Variants in TTC39C observed in about 807,000 individuals in gnomAD.
TTC39C encodes tetratricopeptide repeat domain 39C.
TTC39C carries 33 observed loss-of-function variants against 76.3 expected under a neutral mutation model. The observed-to-expected ratio is 0.43, with a 90% CI of 0.33 to 0.58. TTC39C has a LOEUF of 0.58. TTC39C is among the 20% of genes least tolerant of loss of function. The pLI is 0.04. For synonymous variants in TTC39C, 254 were observed against 260.6 expected (o/e 0.97, Z 0.24); for missense variants, 595 against 701.4 (o/e 0.85, Z 1.71).
chr18:24,061,593 T>TGA lies in TTC39C; in HGVS notation c.168-2547_168-2546insGA, dbSNP rs1344347027. Among the ~76,000 whole-genome samples the TGA allele has an allele frequency of 6.6e-4, 63 of 95,790 alleles. 2 individuals are homozygous for TGA. Among genetic ancestry groups the TGA allele is most frequent in the East Asian group, 2.4e-3 (8 of 3,360 alleles). The allele number at this position is 95,790 out of a possible 152,430, so 62.8% of individuals were successfully genotyped here. ...TTAACTTAGGATCACTTGAAATAAG[T>TGA]AAAAAAAAAAAAAAAAAAAAAAAGC... On this transcript the variant is annotated intron_variant, in intron 1 of 13. Transcript: ENST00000317571.
intron 5 of TTC39C, among the ~76,000 whole-genome samples, chr18:24,081,769 G>T (rs1461787414): frequency 6.6e-6 from 1 of 152,008 alleles, no homozygotes; most frequent in African/African-American, 2.4e-5. Flanking sequence ...AAAAAATTAT[G>T]CCTCCCTAAA....
At chr18:24,011,062 T>C (rs894220711), upstream of TTC39C, among the ~76,000 whole-genome samples, 2 of 152,116 alleles carry the variant, frequency 1.3e-5, no homozygotes, top group Non-Finnish European at 2.9e-5. Flanking sequence ...AAAAACCGAA[T>C]GTAATTCCAA....
Position 24,083,074 on chromosome 18 carries a change from G to T in TTC39C, c.977G>T (p.Arg326Leu). The T allele has an allele frequency of 6.2e-7, 1 of 1,613,438 alleles. No homozygotes were observed. Among genetic ancestry groups the T allele is most frequent in the Non-Finnish European group, 8.5e-7 (1 of 1,179,658 alleles). ...LFMFFKGRIQ[R>L]LECQINSALT... is the part of the protein sequence containing the mutation. ...ATGTTTTTCAAGGGACGGATACAAC[G>T]ACTAGAGGTACTGTACCTTCCTCAT... The change falls in exon 6 of 14, where the codon CGA (arginine) becomes CTA (leucine). Residue 326 changes from arginine (R) to leucine (L), a missense_variant. Physicochemically the swap from Arg to Leu is moderately radical, Grantham distance 102. Coordinates refer to ENST00000317571, the MANE Select transcript of TTC39C (RefSeq NM_001135993.2).
upstream of TTC39C, chr18:24,014,694 C>T: frequency 1.0e-6 from 1 of 981,680 alleles, no homozygotes; most frequent in South Asian, 5.1e-5. Context: ...CGCAGCCGGG[C>T]CGCGGCTCCT....
chr18:24,042,407 T>C (rs1462563736), intron 1 of TTC39C, among the ~76,000 whole-genome samples: 3 of 152,154 alleles, frequency 2.0e-5, no homozygotes, highest in African/African-American at 4.8e-5. Flanking sequence ...ACCCCCCACG[T>C]GCACAGTTCA....
chr18:24,133,548 G>A lies in TTC39C; in HGVS notation c.*974G>A, dbSNP rs752298982. 2 of 152,168 alleles carry A rather than the reference G, an allele frequency of 1.3e-5. No individual in the cohort carries two copies. The highest frequency in any genetic ancestry group is 2.4e-5 in the African/African-American group (1 of 41,444). The allele number at this position is 152,168 out of a possible 1,614,324, so 9.4% of individuals were successfully genotyped here. On this transcript the variant is annotated 3_prime_UTR_variant, in exon 14 of 14. Coordinates refer to ENST00000317571, the MANE Select transcript of TTC39C (RefSeq NM_001135993.2). Reference sequence around the variant, plus strand: ...GACACATTACTTGAAAAGGTTATTCGTGAATGAACATAGATTTTGGCCTCA... The same window carrying A: ...GACACATTACTTGAAAAGGTTATTCATGAATGAACATAGATTTTGGCCTCA...
chr18:24,093,728 G>T (rs1202293887), intron 6 of TTC39C, among the ~76,000 whole-genome samples: 1 of 152,172 alleles, frequency 6.6e-6, no homozygotes, highest in Non-Finnish European at 1.5e-5. Flanking sequence ...TTGCACTGTA[G>T]TCTGTTAAGT....
chr18:24,131,836 G>A lies in TTC39C; in HGVS notation c.1624-46G>A, dbSNP rs28399943. On this transcript the variant is annotated intron_variant, in intron 12 of 13. Transcript: ENST00000317571. Reference sequence around the variant, plus strand: ...TCCTATTATACCATTTTCTGCCTGCGTATATATAAACACAGATTTTATGGG... The same window carrying A: ...TCCTATTATACCATTTTCTGCCTGCATATATATAAACACAGATTTTATGGG... 1,911 of 1,564,958 alleles carry A rather than the reference G, an allele frequency of 1.2e-3. 20 individuals are homozygous for A. In the African/African-American group the frequency reaches 0.024, roughly 19 times the overall value.
chr18:24,099,005 ATGTGTGTGTGTGTGTGTGTGTGTGTG>A (rs71373362), intron 6 of TTC39C, among the ~76,000 whole-genome samples: 1 of 130,726 alleles, frequency 7.6e-6, no homozygotes, highest in East Asian at 2.2e-4. Flanking sequence ...AGTTAGAGGA[ATGTGTGTGTGTGTGTGTGTGTGTGTG>A]TGTGTATATA....
At chr18:24,104,389 C>T (rs910007618) in intron 6 of TTC39C, among the ~76,000 whole-genome samples, 1 of 152,154 alleles carries the variant, frequency 6.6e-6, no homozygotes, top group Non-Finnish European at 1.5e-5. Context: ...AGGGCTGCCT[C>T]GGGGCCTTTG....
chr18:24,081,363 T>TA (rs747881305), intron 5 of TTC39C, among the ~76,000 whole-genome samples: 191 of 152,320 alleles, frequency 1.3e-3, no homozygotes, highest in Non-Finnish European at 2.2e-3. Context: ...TGGTTTCCTA[T>TA]ATGTGACATG....
chr18:24,114,275 G>A, intron 6 of TTC39C: 2 of 326,204 alleles, frequency 6.1e-6, no homozygotes, highest in Admixed American at 4.7e-5. Flanking sequence ...TGTGAGCTGA[G>A]CCCTTAACAC....
intron 1 of TTC39C, among the ~76,000 whole-genome samples, chr18:24,021,227 T>C (rs1422279799): frequency 6.6e-6 from 1 of 152,276 alleles, no homozygotes; most frequent in Non-Finnish European, 1.5e-5. Context: ...AGCTCTACCC[T>C]GTGAAAGGAG....
chr18:24,040,050 T>C (rs574716001), intron 1 of TTC39C, among the ~76,000 whole-genome samples: 26 of 152,346 alleles, frequency 1.7e-4, no homozygotes, highest in East Asian at 1.5e-3. Flanking sequence ...GAAATGTATG[T>C]AGTACTGAAT....
At chr18:24,076,064 C>T (rs2084303921) in intron 4 of TTC39C, among the ~76,000 whole-genome samples, 2 of 152,180 alleles carry the variant, frequency 1.3e-5, no homozygotes, top group South Asian at 2.1e-4. Flanking sequence ...ACAACCTCCA[C>T]CTCCTGGTTT....
intron 1 of TTC39C, chr18:24,022,710 C>T: frequency 2.0e-6 from 2 of 985,388 alleles, no homozygotes; most frequent in Non-Finnish European, 2.4e-6. Flanking sequence ...TCTGTGGCTC[C>T]CAGTCTTGTG....
intron 1 of TTC39C, among the ~76,000 whole-genome samples, chr18:24,048,652 A>G (rs569079935): frequency 1.7e-3 from 255 of 152,276 alleles, no homozygotes; most frequent in African/African-American, 5.8e-3. Context: ...AGTTTTATAT[A>G]GCTTTGAGAA....
In TTC39C at chr18:24,123,866, G is replaced by A; in HGVS notation, c.1219G>A (p.Ala407Thr). The stretch of plus-strand genomic sequence containing the variant: ...GGGAGCCACTGGTGATGTGGATGGG[G>A]CACAGATTGTCTTTAAAGAAGTTCA... ...CQGATGDVDG[A>T]QIVFKEVQKL... The change falls in exon 9 of 14, where the codon GCA (alanine) becomes ACA (threonine). Residue 407 changes from alanine (A) to threonine (T), a missense_variant. Ala to Thr is a moderately conservative substitution (Grantham distance 58, BLOSUM62 0). Coordinates refer to ENST00000317571, the MANE Select transcript of TTC39C (RefSeq NM_001135993.2). 6 of 1,612,232 alleles carry A rather than the reference G, an allele frequency of 3.7e-6. No homozygotes were observed. The highest frequency in any genetic ancestry group is 5.1e-6 in the Non-Finnish European group (6 of 1,179,644).
chr18:24,060,378 C>T (rs1599285404), intron 1 of TTC39C, among the ~76,000 whole-genome samples: 2 of 130,030 alleles, frequency 1.5e-5, no homozygotes, highest in Admixed American at 9.8e-5. Flanking sequence ...AGTGCAGTGG[C>T]GCGATCTCGG....
Sources: allele counts gnomAD v4.1 joint callset (sites outside exome capture counted in the v4.1 genomes callset), GRCh38; gene constraint gnomAD v4.1.1; transcripts MANE v1.5; gene names NCBI Gene and HGNC (gene_info 2026-07-23, HGNC 2026-07-21).